TMEM108: variants seen among roughly 807,000 people sequenced by gnomAD.
TMEM108 encodes cancer/testis antigen 124.
TMEM108 carries 12 observed loss-of-function variants against 35.1 expected under a neutral mutation model. The ratio of observed to expected loss-of-function variants is 0.34; its 90% CI spans 0.22 to 0.55. TMEM108 has a LOEUF of 0.55. TMEM108 is among the 20% of genes least tolerant of loss of function. The pLI is 0.89. For synonymous variants in TMEM108, 287 were observed against 308.6 expected (o/e 0.93, Z 0.73); for missense variants, 680 against 753.3 (o/e 0.90, Z 1.14).
At chr3:133,142,141 C>T (rs1027667214) in intron 2 of TMEM108, among the ~76,000 whole-genome samples, 10 of 152,218 alleles carry the variant, frequency 6.6e-5, no homozygotes, top group Admixed American at 1.3e-4. Context: ...CAGTTAAGAA[C>T]GGCTGCTGAA....
intron 4 of TMEM108, among the ~76,000 whole-genome samples, chr3:133,385,851 C>T (rs373974730): frequency 1.2e-4 from 18 of 152,178 alleles, no homozygotes; most frequent in African/African-American, 4.1e-4. Context: ...GACTCCTGTC[C>T]ACTGTGTTAG....
At chr3:133,337,326 C>T (rs1442422283) in intron 3 of TMEM108, among the ~76,000 whole-genome samples, 1 of 152,200 alleles carries the variant, frequency 6.6e-6, no homozygotes, top group Non-Finnish European at 1.5e-5. Context: ...TCATCCCACT[C>T]CCAGCTCCAG....
At chr3:133,224,793 T>C (rs796852429) in intron 2 of TMEM108, among the ~76,000 whole-genome samples, 1 of 152,138 alleles carries the variant, frequency 6.6e-6, no homozygotes, top group South Asian at 2.1e-4. Flanking sequence ...CTAATACATA[T>C]ATAGTGTATA....
chr3:133,051,002 A>C (rs1219026030), intron 2 of TMEM108, among the ~76,000 whole-genome samples: 1 of 151,170 alleles, frequency 6.6e-6, no homozygotes, highest in African/African-American at 2.4e-5. Flanking sequence ...TGTGGACATA[A>C]ATTTTTAACT....
chr3:133,067,978 G>A (rs998904948), intron 2 of TMEM108, among the ~76,000 whole-genome samples: 5 of 152,000 alleles, frequency 3.3e-5, no homozygotes, highest in Non-Finnish European at 5.9e-5. Context: ...ACCGTGGAAG[G>A]CAGAAATGAG....
chr3:133,332,073 TGC>T (rs2071400697), intron 3 of TMEM108, among the ~76,000 whole-genome samples: 1 of 106,464 alleles, frequency 9.4e-6, no homozygotes, highest in African/African-American at 3.8e-5. Context: ...TGCGCGTGCG[TGC>T]GCACGTGCAC....
chr3:133,294,804 A>G (rs1176805547), intron 3 of TMEM108, among the ~76,000 whole-genome samples: 2 of 152,180 alleles, frequency 1.3e-5, no homozygotes, highest in African/African-American at 2.4e-5. Context: ...GTAATTTCAG[A>G]TTTATGAGAT....
intron 3 of TMEM108, among the ~76,000 whole-genome samples, chr3:133,371,568 G>C (rs962839668): frequency 8.2e-6 from 1 of 122,024 alleles, no homozygotes; most frequent in Non-Finnish European, 1.6e-5. Context: ...TTTATGATCT[G>C]ACCTTAGAAG....
intron 2 of TMEM108, among the ~76,000 whole-genome samples, chr3:133,081,718 A>G (rs755520756): frequency 2.0e-5 from 3 of 152,152 alleles, no homozygotes; most frequent in Non-Finnish European, 4.4e-5. Context: ...CCAACATGGG[A>G]TTAGAAATGC....
chr3:133,227,655 G>GA, intron 2 of TMEM108, among the ~76,000 whole-genome samples: 1 of 151,758 alleles, frequency 6.6e-6, no homozygotes, highest in African/African-American at 2.4e-5. Flanking sequence ...CCAGCACTTT[G>GA]GGAGGCTGAG....
At chr3:133,064,854 T>C (rs1260843496) in intron 2 of TMEM108, among the ~76,000 whole-genome samples, 3 of 152,196 alleles carry the variant, frequency 2.0e-5, no homozygotes, top group Non-Finnish European at 4.4e-5. Context: ...AGATCACTTA[T>C]GCAGTATGTA....
chr3:133,265,658 C>G (rs1946686748), intron 3 of TMEM108, among the ~76,000 whole-genome samples: 1 of 152,138 alleles, frequency 6.6e-6, no homozygotes, highest in African/African-American at 2.4e-5. Context: ...GAGGTGTCTG[C>G]TGTTGGGCTT....
At chr3:133,118,059 A>G (rs1413056982) in intron 2 of TMEM108, among the ~76,000 whole-genome samples, 1 of 151,974 alleles carries the variant, frequency 6.6e-6, no homozygotes, top group Non-Finnish European at 1.5e-5. Context: ...GGGAGTTGGT[A>G]GAGTACTAAC....
chr3:133,361,231 C>G (rs1293321986), intron 3 of TMEM108, among the ~76,000 whole-genome samples: 1 of 152,226 alleles, frequency 6.6e-6, no homozygotes, highest in African/African-American at 2.4e-5. Flanking sequence ...GTAGCACATG[C>G]ATTAGAGTGT....
intron 3 of TMEM108, among the ~76,000 whole-genome samples, chr3:133,231,261 A>T (rs1046341785): frequency 6.6e-6 from 1 of 152,188 alleles, no homozygotes; most frequent in African/African-American, 2.4e-5. Flanking sequence ...TTGGATAAAA[A>T]ATCATGATTG....
chr3:133,102,342 C>T (rs936931099), intron 2 of TMEM108, among the ~76,000 whole-genome samples: 5 of 152,162 alleles, frequency 3.3e-5, no homozygotes, highest in South Asian at 2.1e-4. Flanking sequence ...CTAAATATGT[C>T]GTGGTCTCTC....
chr3:133,282,914 G>A (rs137985253), intron 3 of TMEM108, among the ~76,000 whole-genome samples: 113 of 152,286 alleles, frequency 7.4e-4, no homozygotes, highest in Middle Eastern at 3.4e-3. Flanking sequence ...AACATGGAAC[G>A]TTTTCCAAAA....
chr3:133,389,097 A>G (rs962369534), intron 4 of TMEM108: 7 of 985,606 alleles, frequency 7.1e-6, no homozygotes, highest in African/African-American at 1.7e-5. Context: ...CTTCTCCCCA[A>G]GAGGCCTCTG....
chr3:133,135,796 G>C (rs1042097311), intron 2 of TMEM108, among the ~76,000 whole-genome samples: 1 of 152,056 alleles, frequency 6.6e-6, no homozygotes, highest in Non-Finnish European at 1.5e-5. Context: ...ATGTACTCCA[G>C]GGACTCTAAT....
Sources: gnomAD v4.1 joint callset for allele counts (sites outside exome capture counted in the v4.1 genomes callset) on GRCh38, gnomAD v4.1.1 for gene constraint, MANE v1.5 for transcripts, NCBI Gene and HGNC (gene_info 2026-07-23, HGNC 2026-07-21) for gene names.